The following DRC3 variants were observed in gnomAD, a reference collection of about 807,000 sequenced individuals.
The protein encoded by DRC3 is leucine rich repeat containing 48.
A neutral mutation model predicts 57.6 loss-of-function variants in DRC3; 45 were observed. The ratio of observed to expected loss-of-function variants is 0.78; its 90% confidence interval spans 0.62 to 1.00. DRC3 has a LOEUF of 1.00. DRC3 is among the 50% of genes least tolerant of loss of function. The pLI is 0.00. For synonymous variants in DRC3, 257 were observed against 272.3 expected (o/e 0.94, Z 0.55); for missense variants, 655 against 675.2 (o/e 0.97, Z 0.33).
At chr17:18,010,329 A>G (rs1031076977) in intron 12 of DRC3, among the ~76,000 whole-genome samples, 3 of 152,210 alleles carry the variant, frequency 2.0e-5, no homozygotes, top group Non-Finnish European at 2.9e-5. Context: ...TCCTCAAGCC[A>G]CTAGCAGTGC....
Position 17,981,327 on chromosome 17 carries a change from G to A in DRC3, c.161-2501G>A, listed in dbSNP as rs189658004. 1.6e-3 allele frequency: 394 copies of A among 244,376 alleles called. 4 individuals carry two copies. Among genetic ancestry groups the A allele is most frequent in the African/African-American group, 8.4e-3 (367 of 43,862 alleles). 15.1% of individuals were successfully genotyped at this position (244,376 alleles called of 1,614,324 possible). ...CCTCCAGCACCCTATCCCTGCAGAC[G>A]GGACAGCCTCTCATGATGGCGATGG... On this transcript the variant is annotated intron_variant, in intron 3 of 13. Coordinates refer to ENST00000399187, the MANE Select transcript of DRC3 (RefSeq NM_031294.4).
intron 4 of DRC3, 84 bp downstream of exon 4, chr17:17,984,028 T>C (rs532558738): frequency 3.7e-5 from 31 of 831,132 alleles, no homozygotes; most frequent in African/African-American, 3.1e-4. Flanking sequence ...ACAATAATTG[T>C]GTGCGACACT....
chr17:17,997,395 A>T, intron 8 of DRC3, 65 bp from the exon 9 acceptor site: 1 of 1,522,054 alleles, frequency 6.6e-7, no homozygotes, highest in Non-Finnish European at 9.0e-7. Flanking sequence ...GGTTACCAAC[A>T]CCTTGGCCGT....
chr17:17,990,906 G>A (rs1238696367), intron 5 of DRC3, among the ~76,000 whole-genome samples: 2 of 152,118 alleles, frequency 1.3e-5, no homozygotes. Flanking sequence ...CAGAAGAATC[G>A]CTTGAACCTG....
At chr17:18,007,998 A>G (rs2044042516) in intron 12 of DRC3, 1 of 248,556 alleles carries the variant, frequency 4.0e-6, no homozygotes, top group African/African-American at 2.3e-5. Flanking sequence ...CTTTTACACA[A>G]CACCTTCTAG....
At chr17:18,004,201 T>G (rs1180789459) in intron 9 of DRC3, among the ~76,000 whole-genome samples, 162 bp from the exon 10 acceptor site, 1 of 152,118 alleles carries the variant, frequency 6.6e-6, no homozygotes, top group Non-Finnish European at 1.5e-5. Context: ...AGAGGGTAGG[T>G]AGCTTCTACA....
intron 1 of DRC3, chr17:17,973,623 TTTA>T (rs1189877762): frequency 6.6e-6 from 1 of 151,656 alleles, no homozygotes; most frequent in East Asian, 1.9e-4. Context: ...TTGTTCATTA[TTTA>T]TTTATTTATT....
At chr17:18,006,990 T>G in intron 11 of DRC3, 34 bp from the exon 12 acceptor site, 1 of 1,610,680 alleles carries the variant, frequency 6.2e-7, no homozygotes, top group Non-Finnish European at 8.5e-7. Flanking sequence ...CCGGGCCTGC[T>G]CCTCCCGGGC....
At chr17:18,014,820 A>G (rs1392360224) in intron 12 of DRC3, among the ~76,000 whole-genome samples, 1 of 152,200 alleles carries the variant, frequency 6.6e-6, no homozygotes, top group Non-Finnish European at 1.5e-5. Context: ...CAGGCTTTAC[A>G]CACCTTTGAA....
In DRC3 at chr17:17,988,117, C is replaced by T. The variant is rs1263924851; in HGVS notation, c.444+19C>T. On this transcript the variant is annotated intron_variant, in intron 5 of 13. Transcript: ENST00000399187. ...GATGAACGTGAGTGGCCGCCCAGCC[C>T]GCCCTCACGCACACCTGCAGAGCCT... The T allele has an allele frequency of 4.3e-6, 7 of 1,609,226 alleles. No homozygotes were observed. Among genetic ancestry groups the T allele is most frequent in the African/African-American group, 1.3e-5 (1 of 74,956 alleles).
chr17:18,006,290 G>C, intron 11 of DRC3, 37 bp downstream of exon 11: 3 of 1,457,012 alleles, frequency 2.1e-6, no homozygotes, highest in Non-Finnish European at 1.9e-6. Flanking sequence ...ATGGGGAGGT[G>C]CTACAGAGCC....
At chr17:18,007,580 C>T (rs371411340) in intron 12 of DRC3, 17 of 1,470,782 alleles carry the variant, frequency 1.2e-5, no homozygotes, top group Non-Finnish European at 2.7e-6. Context: ...ATCCGGTTTG[C>T]ACCAGCACAT....
intron 3 of DRC3, among the ~76,000 whole-genome samples, chr17:17,978,607 A>G (rs2042503802): frequency 6.6e-6 from 1 of 152,244 alleles, no homozygotes; most frequent in South Asian, 2.1e-4. Context: ...GCCTCAGTCC[A>G]GCCCTGCTGC....
intron 11 of DRC3, chr17:18,006,574 T>G: frequency 2.4e-6 from 1 of 416,644 alleles, no homozygotes; most frequent in Non-Finnish European, 4.4e-6. Context: ...AGGTGAAATG[T>G]TAGGGTGAGG....
chr17:17,994,526 A>G, intron 7 of DRC3, 108 bp downstream of exon 7: 1 of 1,417,744 alleles, frequency 7.1e-7, no homozygotes, highest in Non-Finnish European at 9.4e-7. Context: ...AAACACAGAA[A>G]TCATGCTCCC....
At chr17:17,986,452 A>G (rs1380694483) in intron 4 of DRC3, among the ~76,000 whole-genome samples, 2 of 149,672 alleles carry the variant, frequency 1.3e-5, no homozygotes, top group Non-Finnish European at 3.0e-5. Context: ...GGTTAAACTC[A>G]TCTCCCAAAT....
intron 3 of DRC3, among the ~76,000 whole-genome samples, chr17:17,981,734 G>T (rs961598740): frequency 1.4e-4 from 21 of 152,064 alleles, no homozygotes; most frequent in African/African-American, 5.1e-4. Context: ...GTCTTGCTTT[G>T]TCACCCAGGC....
rs761876333 is a variant in DRC3 at position 17,983,907 on chromosome 17, C to T, written c.240C>T (p.Ile80=). The stretch of plus-strand genomic sequence containing the variant: ...TGGACAATAACATCATTGAGAAGAT[C>T]GAGGGCCTGGAGAACCTCGCACACC... ...LQLDNNIIEK[I]EGLENLAHLV... The change falls in exon 4 of 14, where the codon ATC becomes ATT. Residue 80 remains isoleucine, a synonymous_variant. Coordinates refer to ENST00000399187, the MANE Select transcript of DRC3 (RefSeq NM_031294.4). 16 of 1,613,316 alleles carry T rather than the reference C, an allele frequency of 9.9e-6. No homozygotes were observed. The highest frequency in any genetic ancestry group is 9.9e-5 in the South Asian group (9 of 91,040).
intron 3 of DRC3, among the ~76,000 whole-genome samples, chr17:17,980,514 C>T (rs1182264909): frequency 4.6e-5 from 7 of 151,368 alleles, no homozygotes; most frequent in Non-Finnish European, 1.0e-4. Flanking sequence ...AGGCTGGTTT[C>T]GAACTCCTGA....
Sources: gnomAD v4.1 joint callset for allele counts (sites outside exome capture counted in the v4.1 genomes callset) on GRCh38, gnomAD v4.1.1 for gene constraint, MANE v1.5 for transcripts, NCBI Gene and HGNC (gene_info 2026-07-23, HGNC 2026-07-21) for gene names.